TRAPPC10: variants seen among roughly 807,000 people sequenced by gnomAD.
TRAPPC10 encodes the protein TRAPP 130 kDa subunit.
A neutral mutation model predicts 125.5 loss-of-function variants in TRAPPC10; 23 were observed. That is an observed-to-expected ratio of 0.18 (90% CI 0.13 to 0.26). The LOEUF is 0.26. Ranked by LOEUF, TRAPPC10 falls within the 10% of genes least tolerant of loss-of-function variation. The probability of loss-of-function intolerance (pLI) is 1.00; values close to 1 mark genes in which losing one functional copy is unlikely to be tolerated. For missense variants in TRAPPC10, 1,123 were observed against 1,308.4 expected (o/e 0.86, Z 2.19); for synonymous variants, 509 against 518.0 (o/e 0.98, Z 0.24).
chr21:44,043,209 C>CTTTT (rs34708259), intron 3 of TRAPPC10, among the ~76,000 whole-genome samples: 7 of 94,336 alleles, frequency 7.4e-5, no homozygotes, highest in Non-Finnish European at 9.8e-5. Flanking sequence ...AATTATTACG[C>CTTTT]TTTTTTTTTT....
chr21:44,045,012 A>G (rs2034680573), intron 3 of TRAPPC10, among the ~76,000 whole-genome samples: 2 of 149,562 alleles, frequency 1.3e-5, no homozygotes, highest in African/African-American at 4.9e-5. Context: ...TTTTCTTTAA[A>G]ATCCCTCCGC....
Position 44,086,871 on chromosome 21 carries a change from A to G in TRAPPC10, c.2450A>G (p.Asn817Ser), listed in dbSNP as rs773403757. 17 of 1,614,200 alleles carry G rather than the reference A, an allele frequency of 1.1e-5. No homozygotes were observed. The South Asian group carries it at 1.4e-4, about 14-fold the overall frequency. ...TVTTGHYTIK[N>S]GDSLQLSNAE... is the part of the protein sequence containing the mutation. ...ACTACCGGCCATTATACGATAAAGA[A>G]TGGAGACAGCCTGCAGCTTAGCAAT... Residue 817 changes from asparagine to serine, a missense_variant, in exon 16 of 23, where the codon AAT (asparagine) becomes AGT (serine). Asn to Ser is a conservative substitution (Grantham distance 46, BLOSUM62 1). This residue lies in a region of TRAPPC10 where 840 missense variants were observed against 902.0 expected (regional missense o/e 0.93). Coordinates refer to ENST00000291574, the MANE Select transcript of TRAPPC10 (RefSeq NM_003274.5).
At chr21:44,034,163 A>G (rs1004953009) in intron 2 of TRAPPC10, among the ~76,000 whole-genome samples, 2 of 152,186 alleles carry the variant, frequency 1.3e-5, no homozygotes, top group East Asian at 3.9e-4. Flanking sequence ...TTGTGGCTCC[A>G]TAAGAGGAGG....
intron 1 of TRAPPC10, among the ~76,000 whole-genome samples, chr21:44,013,993 A>T (rs2031504078): frequency 6.6e-6 from 1 of 152,220 alleles, no homozygotes; most frequent in Admixed American, 6.5e-5. Flanking sequence ...GTTCATGTTA[A>T]GTTTTACTGT....
chr21:44,026,087 T>C (rs988429837), intron 1 of TRAPPC10, among the ~76,000 whole-genome samples: 2 of 152,126 alleles, frequency 1.3e-5, no homozygotes. Context: ...ACAGTGTCTA[T>C]GCTAGAAATG....
At chr21:44,062,559 A>T in intron 6 of TRAPPC10, 7 of 985,440 alleles carry the variant, frequency 7.1e-6, no homozygotes, top group Non-Finnish European at 7.2e-6. Context: ...AGCCTAGCCA[A>T]GGGAACTGCT....
At position 44,063,439 on chromosome 21, in the gene TRAPPC10, A is replaced by T; in HGVS notation, c.791-99A>T. ...GCCAGTGTTCATAGAAAAACTGGTT[A>T]TGAAGCTGCCTGTTTGCCCACCATC... On this transcript the variant is annotated intron_variant, in intron 6 of 22. Coordinates refer to ENST00000291574, the MANE Select transcript of TRAPPC10 (RefSeq NM_003274.5). This position sits in a 1 kb window ranked among gnomAD's most constrained non-coding sequence, Gnocchi z 4.4. The T allele has an allele frequency of 6.6e-7, 1 of 1,520,420 alleles. No homozygotes were observed. The highest frequency in any genetic ancestry group is 2.3e-5 in the East Asian group (1 of 44,326). The allele number at this position is 1,520,420 out of a possible 1,614,324, so 94.2% of individuals were successfully genotyped here.
At chr21:44,083,368 C>G (rs769301268) in intron 14 of TRAPPC10, 66 bp downstream of exon 14, 1 of 1,543,592 alleles carries the variant, frequency 6.5e-7, no homozygotes, top group Non-Finnish European at 8.8e-7. Context: ...CTTACAAGAA[C>G]TGTCTGGAGT....
chr21:44,090,031 A>G, intron 18 of TRAPPC10, 98 bp downstream of exon 18: 1 of 800,894 alleles, frequency 1.2e-6, no homozygotes, highest in Non-Finnish European at 2.0e-6. Flanking sequence ...GTGACCAAGG[A>G]TGTCTTCTTA....
intron 1 of TRAPPC10, among the ~76,000 whole-genome samples, chr21:44,018,665 C>T (rs2032146770): frequency 6.6e-6 from 1 of 150,970 alleles, no homozygotes; most frequent in Admixed American, 6.6e-5. Flanking sequence ...TGCCACTGCA[C>T]TCCAGCCTGG....
intron 1 of TRAPPC10, among the ~76,000 whole-genome samples, chr21:44,021,798 C>G (rs2032526473): frequency 6.6e-6 from 1 of 152,114 alleles, no homozygotes; most frequent in African/African-American, 2.4e-5. Context: ...GGACACCTCC[C>G]CCTTGAAACG....
intron 7 of TRAPPC10, among the ~76,000 whole-genome samples, chr21:44,069,471 A>G (rs1243162011): frequency 6.6e-6 from 1 of 152,172 alleles, no homozygotes; most frequent in Non-Finnish European, 1.5e-5. Flanking sequence ...AGCACACACC[A>G]CCAGAATGGC....
chr21:44,017,176 C>T (rs376008239), intron 1 of TRAPPC10, among the ~76,000 whole-genome samples: 34 of 152,278 alleles, frequency 2.2e-4, no homozygotes, highest in African/African-American at 7.2e-4. Context: ...CTTAGGAAAT[C>T]GCAGTTGTTG....
chr21:44,067,562 G>A (rs1247758000), intron 7 of TRAPPC10, among the ~76,000 whole-genome samples: 2 of 152,148 alleles, frequency 1.3e-5, no homozygotes, highest in African/African-American at 2.4e-5. Context: ...TTCAAGAAAC[G>A]TTTCCTTGCC....
chr21:44,036,672 A>ATC (rs2034007600), intron 2 of TRAPPC10, among the ~76,000 whole-genome samples: 1 of 152,204 alleles, frequency 6.6e-6, no homozygotes, highest in Non-Finnish European at 1.5e-5. Flanking sequence ...ATGTATCCCA[A>ATC]TACGAAGGCA....
intron 6 of TRAPPC10, chr21:44,062,922 T>C (rs2145918527): frequency 3.2e-6 from 4 of 1,253,418 alleles, no homozygotes; most frequent in Middle Eastern, 2.3e-4. Flanking sequence ...ATTGTTATGC[T>C]TATTTTAAGA....
Position 44,059,241 on chromosome 21 carries a change from T to C in TRAPPC10, c.790+27T>C, listed in dbSNP as rs1167548613. 2.4e-5 allele frequency: 37 copies of C among 1,532,328 alleles called. No homozygotes were observed. Among genetic ancestry groups the C allele is most frequent in the Non-Finnish European group, 3.2e-5 (36 of 1,125,332 alleles). 94.9% of individuals were successfully genotyped at this position (1,532,328 alleles called of 1,614,324 possible). On this transcript the variant is annotated intron_variant, in intron 6 of 22. Coordinates refer to ENST00000291574, the MANE Select transcript of TRAPPC10 (RefSeq NM_003274.5). This position sits in a 1 kb window ranked among gnomAD's most constrained non-coding sequence, Gnocchi z 4.4. ...TGAGTAGTGGCACTTCAGTAACGCA[T>C]GCTTTTCTTAGTGTGGCTTTCTCCA... is the stretch of plus-strand genomic sequence containing the variant.
intron 11 of TRAPPC10, among the ~76,000 whole-genome samples, chr21:44,078,061 GAC>G (rs939269088): frequency 1.3e-5 from 2 of 151,996 alleles, no homozygotes; most frequent in Non-Finnish European, 2.9e-5. Context: ...AGAATTATAA[GAC>G]AGTATAATGG....
chr21:44,053,837 G>A (rs1442708223), intron 4 of TRAPPC10, among the ~76,000 whole-genome samples: 3 of 152,150 alleles, frequency 2.0e-5, no homozygotes, highest in East Asian at 1.9e-4. Flanking sequence ...GACTTCATTC[G>A]TTGTTTTGGG....
Sources: gnomAD v4.1 joint callset for allele counts (sites outside exome capture counted in the v4.1 genomes callset) on GRCh38, gnomAD v4.1.1 for gene constraint, gnomAD v4.1.1 regional missense constraint, Gnocchi (gnomAD v3.1) non-coding constraint, MANE v1.5 for transcripts, NCBI Gene and HGNC (gene_info 2026-07-23, HGNC 2026-07-21) for gene names.